The following SGK3 variants were observed in gnomAD, a reference collection of about 807,000 sequenced individuals.
The protein encoded by SGK3 is serum/glucocorticoid regulated kinase family member 3.
In SGK3, 47 loss-of-function variants were observed where a neutral mutation model predicts 68.5. The ratio of observed to expected loss-of-function variants is 0.69; its 90% CI spans 0.54 to 0.87. SGK3 has a LOEUF of 0.87. Ranked by LOEUF, SGK3 falls within the 40% of genes least tolerant of loss-of-function variation. The pLI is 0.00. For synonymous variants in SGK3, 181 were observed against 189.1 expected, an observed-to-expected ratio of 0.96 and a Z score of 0.35; for missense variants, 479 against 575.5, an observed-to-expected ratio of 0.83 and a Z score of 1.72.
At chr8:66,720,221 C>T (rs1804758069) in intron 1 of SGK3, among the ~76,000 whole-genome samples, 1 of 152,088 alleles carries the variant, frequency 6.6e-6, no homozygotes, top group South Asian at 2.1e-4. Flanking sequence ...ATCTAAGATA[C>T]AAGATATTTA....
At chr8:66,831,927 A>G (rs771370031) in intron 8 of SGK3, among the ~76,000 whole-genome samples, 16 of 152,074 alleles carry the variant, frequency 1.1e-4, no homozygotes, top group Non-Finnish European at 1.6e-4. Context: ...GGTGCTTACA[A>G]TCTCGGTGGG....
At chr8:66,775,214 A>C (rs562081722) in intron 1 of SGK3, 2 of 152,318 alleles carry the variant, frequency 1.3e-5, no homozygotes, top group Non-Finnish European at 2.9e-5. Context: ...CAGGGAGCGC[A>C]GCTGGCGCCG....
intron 5 of SGK3, among the ~76,000 whole-genome samples, chr8:66,814,552 TAGATTTTTGGAA>T (rs1385262580): frequency 1.3e-5 from 2 of 152,084 alleles, no homozygotes; most frequent in Admixed American, 6.5e-5. Context: ...TGGAGCTGAG[TAGATTTTTGGAA>T]AGAAGACGAG....
intron 5 of SGK3, among the ~76,000 whole-genome samples, chr8:66,821,678 ATT>A (rs59399048): frequency 2.6e-4 from 28 of 108,540 alleles, no homozygotes; most frequent in African/African-American, 8.9e-4. Context: ...ACGCCCGGCT[ATT>A]TTTTTTTTTT....
chr8:66,717,699 A>G (rs1804677347), intron 1 of SGK3, among the ~76,000 whole-genome samples: 1 of 151,564 alleles, frequency 6.6e-6, no homozygotes. Flanking sequence ...GTTTTTAATT[A>G]ATTATTATTA....
chr8:66,835,883 C>T (rs755631102), intron 9 of SGK3, 37 bp downstream of exon 9: 1 of 1,608,338 alleles, frequency 6.2e-7, no homozygotes, highest in Admixed American at 1.7e-5. Context: ...AGCCCATTTT[C>T]TCAATTAAGA....
chr8:66,782,484 G>A (rs551919871), intron 1 of SGK3, among the ~76,000 whole-genome samples: 4 of 152,174 alleles, frequency 2.6e-5, no homozygotes, highest in South Asian at 2.1e-4. Flanking sequence ...TTAACACATC[G>A]TAGTAACCCA....
rs760922062 is a variant in SGK3, at chr8:66,762,741, G to A, written c.-121-30875G>A. On this transcript the variant is annotated intron_variant, in intron 1 of 16. Transcript: ENST00000521198. ...TTTAAGTCTTTTATTCTGTATATCT[G>A]CTGCCTTTCTTTTTTCCCTTATAAT... Among the ~76,000 whole-genome samples the A allele has an allele frequency of 1.7e-4, 26 of 152,060 alleles. 1 individual carries two copies. The highest frequency in any genetic ancestry group is 1.5e-4 in the Non-Finnish European group (10 of 68,014).
intron 8 of SGK3, among the ~76,000 whole-genome samples, chr8:66,835,487 T>G (rs1242425036): frequency 6.6e-6 from 1 of 152,164 alleles, no homozygotes; most frequent in East Asian, 1.9e-4. Flanking sequence ...ACTTCCAGGA[T>G]TCAGGGCTGG....
chr8:66,835,244 C>T (rs1809475106), intron 8 of SGK3, among the ~76,000 whole-genome samples: 1 of 152,174 alleles, frequency 6.6e-6, no homozygotes. Flanking sequence ...CTGCAAGATA[C>T]TCTAGATTTC....
intron 1 of SGK3, among the ~76,000 whole-genome samples, chr8:66,755,638 G>A (rs2130444187): frequency 6.6e-6 from 1 of 152,216 alleles, no homozygotes; most frequent in South Asian, 2.1e-4. Flanking sequence ...ACACCATACA[G>A]CACTCCCGTA....
intron 1 of SGK3, among the ~76,000 whole-genome samples, chr8:66,734,378 C>G (rs1805257763): frequency 6.6e-6 from 1 of 151,560 alleles, no homozygotes; most frequent in Non-Finnish European, 1.5e-5. Flanking sequence ...TGTGGTATAC[C>G]TTGCTTAAAA....
At chr8:66,831,992 A>G (rs1356660700) in intron 8 of SGK3, among the ~76,000 whole-genome samples, 1 of 152,124 alleles carries the variant, frequency 6.6e-6, no homozygotes, top group Non-Finnish European at 1.5e-5. Flanking sequence ...TAATAACAGC[A>G]GTGCAGGAAA....
chr8:66,813,020 G>A (rs961468855), intron 4 of SGK3, among the ~76,000 whole-genome samples: 18 of 152,186 alleles, frequency 1.2e-4, no homozygotes, highest in Admixed American at 1.0e-3. Context: ...TTGGGAGGCC[G>A]AGGAGGGTGG....
intron 16 of SGK3, among the ~76,000 whole-genome samples, chr8:66,851,531 TA>T (rs78362879): frequency 0.021 from 2,880 of 136,694 alleles, 89 homozygotes; most frequent in African/African-American, 0.069. Context: ...AAAATAAAAT[TA>T]AAAAAAAAAA....
chr8:66,775,015 C>G (rs1049739751), intron 1 of SGK3, among the ~76,000 whole-genome samples: 1 of 152,238 alleles, frequency 6.6e-6, no homozygotes, highest in African/African-American at 2.4e-5. Context: ...ATGCTGGCTT[C>G]CCGCCTTTCC....
intron 1 of SGK3, among the ~76,000 whole-genome samples, chr8:66,732,365 G>A (rs1005624947): frequency 4.6e-5 from 7 of 151,990 alleles, no homozygotes; most frequent in African/African-American, 1.7e-4. Flanking sequence ...GTGTGTACCT[G>A]TAATCTCAGC....
chr8:66,782,985 G>A (rs371740774), intron 1 of SGK3, among the ~76,000 whole-genome samples: 1 of 152,168 alleles, frequency 6.6e-6, no homozygotes, highest in Admixed American at 6.5e-5. Flanking sequence ...GCTTCTTTGG[G>A]TAAATACCAA....
At chr8:66,821,618 T>C (rs1200093231) in intron 5 of SGK3, among the ~76,000 whole-genome samples, 1 of 151,436 alleles carries the variant, frequency 6.6e-6, no homozygotes, top group African/African-American at 2.4e-5. Flanking sequence ...GCTCACACCA[T>C]TCTCCTGCCT....
Sources: allele counts gnomAD v4.1 joint callset (sites outside exome capture counted in the v4.1 genomes callset), GRCh38; gene constraint gnomAD v4.1.1; transcripts MANE v1.5; gene names NCBI Gene and HGNC (gene_info 2026-07-23, HGNC 2026-07-21).